ZW10: variants seen among roughly 807,000 people sequenced by gnomAD.
ZW10 encodes centromere/kinetochore protein zw10 homolog.
Under a neutral mutation model 87.8 loss-of-function variants are expected in ZW10, and 53 were observed. The ratio of observed to expected loss-of-function variants is 0.60; its 90% confidence interval spans 0.48 to 0.76. The LOEUF is 0.76. Ranked by LOEUF, ZW10 falls within the 30% of genes least tolerant of loss-of-function variation. ZW10 has a pLI of 0.00. For synonymous variants in ZW10, 312 were observed against 329.2 expected (o/e 0.95, Z 0.57); for missense variants, 837 against 923.0 (o/e 0.91, Z 1.21).
chr11:113,758,604 A>G lies in ZW10; in HGVS notation c.683T>C (p.Leu228Pro). 2 of 1,613,862 alleles carry G rather than the reference A, an allele frequency of 1.2e-6. No homozygotes were observed. Among genetic ancestry groups the G allele is most frequent in the South Asian group, 2.2e-5 (2 of 91,030 alleles). ...KTPMPPISSV[L>P]LAFSVLGELH... ...TTCTCCAAGAACAGAAAATGCCAAG[A>G]GGACAGAACTGATGGGTGGCATAGG... The change falls in exon 6 of 16, where the codon CTC becomes CCC. Residue 228 changes from leucine to proline, a missense_variant. Leu to Pro is a moderately conservative substitution (Grantham distance 98). Coordinates refer to ENST00000200135, the MANE Select transcript of ZW10 (RefSeq NM_004724.4).
intron 12 of ZW10, among the ~76,000 whole-genome samples, chr11:113,739,011 G>T (rs1953582908): frequency 6.6e-6 from 1 of 151,960 alleles, no homozygotes; most frequent in Non-Finnish European, 1.5e-5. Context: ...TTACAAAAAA[G>T]TAAAAAAGTC....
rs377613144 is a variant in ZW10 at position 113,744,000 on chromosome 11, G to A, written c.1313C>T (p.Thr438Ile). ...TTCCAGTTTGTTATCCTCATCAGGAGTGGGTAACTCTGGCACATTTATCTT... is the reference window on the plus strand; with the variant it reads ...TTCCAGTTTGTTATCCTCATCAGGAATGGGTAACTCTGGCACATTTATCTT... ...DSKINVPELP[T>I]PDEDNKLEVQ... Residue 438 changes from threonine to isoleucine, a missense_variant, in exon 10 of 16, where the codon ACT becomes ATT. Transcript: ENST00000200135. 1 of 1,614,096 alleles carries A rather than the reference G, an allele frequency of 6.2e-7. No homozygotes were observed.
chr11:113,741,628 TTTAAC>T (rs1435169715), intron 11 of ZW10, 61 bp downstream of exon 11: 7 of 1,092,990 alleles, frequency 6.4e-6, no homozygotes, highest in South Asian at 5.4e-5. Context: ...AATTATTTGT[TTTAAC>T]TTAACTTCCA....
At chr11:113,736,298 T>C (rs1184240123) in intron 15 of ZW10, among the ~76,000 whole-genome samples, 1 of 150,458 alleles carries the variant, frequency 6.6e-6, no homozygotes, top group Non-Finnish European at 1.5e-5. Flanking sequence ...CATCCACTGC[T>C]CCTTAAAGTG....
intron 2 of ZW10, among the ~76,000 whole-genome samples, chr11:113,762,526 C>CA (rs879789409): frequency 6.8e-6 from 1 of 146,724 alleles, no homozygotes; most frequent in Admixed American, 6.8e-5. Context: ...AACTTATTAA[C>CA]TTTTTTTTTT....
chr11:113,765,649 C>T (rs1295037339), intron 2 of ZW10, among the ~76,000 whole-genome samples: 2 of 152,204 alleles, frequency 1.3e-5, no homozygotes, highest in African/African-American at 4.8e-5. Flanking sequence ...TTCACTGGGT[C>T]TGGATTGAGG....
At chr11:113,768,472 T>C (rs576183016) in intron 2 of ZW10, among the ~76,000 whole-genome samples, 4 of 152,314 alleles carry the variant, frequency 2.6e-5, no homozygotes, top group Non-Finnish European at 5.9e-5. Context: ...ACTATTGATA[T>C]TGACTCCCTA....
intron 10 of ZW10, among the ~76,000 whole-genome samples, chr11:113,743,580 A>G (rs968369541): frequency 5.9e-5 from 9 of 152,220 alleles, no homozygotes; most frequent in Non-Finnish European, 8.8e-5. Context: ...TACTTCCTAC[A>G]CCTTGCTCAA....
At position 113,750,642 on chromosome 11, in the gene ZW10, A is replaced by G. The variant is rs555086132; in HGVS notation, c.926-2222T>C. ...TAAGACAATAAAGTGAACAATATTA[A>G]GGGACATTTTCAGCAAATACATTAG... is the stretch of plus-strand genomic sequence containing the variant. On this transcript the variant is annotated intron_variant, in intron 7 of 15. Coordinates refer to ENST00000200135, the MANE Select transcript of ZW10 (RefSeq NM_004724.4). 7.2e-5 allele frequency among the ~76,000 whole-genome samples: 11 copies of G among 152,298 alleles called. 1 individual carries two copies. The South Asian group carries it at 2.3e-3, about 32-fold the overall frequency.
intron 7 of ZW10, among the ~76,000 whole-genome samples, chr11:113,751,553 G>GA (rs996909961): frequency 2.6e-5 from 4 of 151,988 alleles, no homozygotes; most frequent in Admixed American, 6.6e-5. Context: ...TATGTTAGGG[G>GA]AAAAAAATTC....
intron 9 of ZW10, among the ~76,000 whole-genome samples, chr11:113,744,640 G>A (rs966437783): frequency 4.6e-4 from 70 of 152,058 alleles, no homozygotes; most frequent in African/African-American, 1.5e-3. Context: ...CCAGGCTGGA[G>A]TGCAGTGGCA....
At chr11:113,773,027 G>T (rs1937656291) in intron 1 of ZW10, among the ~76,000 whole-genome samples, 1 of 146,914 alleles carries the variant, frequency 6.8e-6, no homozygotes, top group East Asian at 2.0e-4. Flanking sequence ...GTTTGGGTTT[G>T]TTTTTTTTTT....
intron 7 of ZW10, among the ~76,000 whole-genome samples, chr11:113,750,117 T>C (rs1034725939): frequency 5.3e-5 from 8 of 152,290 alleles, no homozygotes; most frequent in Middle Eastern, 3.4e-3. Flanking sequence ...AATTTTTAAA[T>C]TTAAAACAAA....
intron 7 of ZW10, 87 bp downstream of exon 7, chr11:113,757,575 T>C (rs1953803926): frequency 2.9e-6 from 3 of 1,034,664 alleles, no homozygotes; most frequent in Non-Finnish European, 3.9e-6. Context: ...TCACACATTA[T>C]AGGCATTTCT....
Position 113,760,852 on chromosome 11 carries a change from A to C in ZW10, c.307T>G (p.Ser103Ala). The C allele has an allele frequency of 6.2e-7, 1 of 1,614,106 alleles. No homozygotes were observed. Among genetic ancestry groups the C allele is most frequent in the South Asian group, 1.1e-5 (1 of 91,078 alleles). ...TGTTTAAGCAAACTTAGGACAACTGAGTCTCTTTCCAACTGCTGCTTTAAG... is the reference window on the plus strand; with the variant it reads ...TGTTTAAGCAAACTTAGGACAACTGCGTCTCTTTCCAACTGCTGCTTTAAG... ...TDLKQQLERD[S>A]VVLSLLKQLQ... Residue 103 changes from serine to alanine, a missense_variant, in exon 3 of 16, where the codon TCA (serine) becomes GCA (alanine). By Grantham distance (99) the Ser-to-Ala change is moderately conservative (BLOSUM62 1). Coordinates refer to ENST00000200135, the MANE Select transcript of ZW10 (RefSeq NM_004724.4).
intron 2 of ZW10, among the ~76,000 whole-genome samples, chr11:113,764,752 C>T (rs769307771): frequency 5.3e-5 from 8 of 152,164 alleles, no homozygotes; most frequent in South Asian, 2.1e-4. Flanking sequence ...GGTCTGTGGT[C>T]GACTGAAATG....
intron 5 of ZW10, among the ~76,000 whole-genome samples, chr11:113,759,947 G>A (rs962281513): frequency 6.6e-6 from 1 of 152,126 alleles, no homozygotes; most frequent in Non-Finnish European, 1.5e-5. Flanking sequence ...CTCACCACAT[G>A]ATCCCAACTA....
chr11:113,760,907 A>T lies in ZW10; in HGVS notation c.252T>A (p.Asp84Glu). 6.2e-7 allele frequency: 1 copy of T among 1,614,024 alleles called. No homozygotes were observed. Among genetic ancestry groups the T allele is most frequent in the Non-Finnish European group, 8.5e-7 (1 of 1,179,968 alleles). ...TAAATTCACCGGTTGATACGTGAAG[A>T]TCCCGGCGGACCTAATTCACACATC... ...KSRIESEVRR[D>E]LHVSTGEFTD... The change falls in exon 3 of 16, where the codon GAT becomes GAA. Residue 84 changes from aspartate (D) to glutamate (E), a missense_variant. Physicochemically the swap from Asp to Glu is conservative, Grantham distance 45. Transcript: ENST00000200135.
Position 113,760,513 on chromosome 11 carries a change from C to T in ZW10, c.420G>A (p.Glu140=). The T allele has an allele frequency of 6.2e-7, 1 of 1,613,146 alleles. No individual in the cohort carries two copies. The highest frequency in any genetic ancestry group is 8.5e-7 in the Non-Finnish European group (1 of 1,179,570). The change falls in exon 4 of 16, where the codon GAG becomes GAA. Residue 140 remains glutamate, a splice_region_variant and synonymous_variant. Coordinates refer to ENST00000200135, the MANE Select transcript of ZW10 (RefSeq NM_004724.4). ...KYVTGAQRLE[E]AQKCLKLLKS... ...ATGCTTTGGGGAGAGCATTTAGTAC[C>T]TCTTCCAGACGCTGAGCACCAGTGA...
Sources: allele counts gnomAD v4.1 joint callset (sites outside exome capture counted in the v4.1 genomes callset), GRCh38; gene constraint gnomAD v4.1.1; transcripts MANE v1.5; gene names NCBI Gene and HGNC (gene_info 2026-07-23, HGNC 2026-07-21).